The following CPVL variants were observed in gnomAD, a reference collection of about 807,000 sequenced individuals.
CPVL encodes probable serine carboxypeptidase CPVL.
A neutral mutation model predicts 63.7 loss-of-function variants in CPVL; 51 were observed. The ratio of observed to expected loss-of-function variants is 0.80; its 90% CI spans 0.64 to 1.01. CPVL has a LOEUF of 1.01. Among genes scored for constraint, CPVL ranks in the 50% least tolerant of loss-of-function variants. The pLI is 0.00. For missense variants in CPVL, 530 were observed against 573.1 expected (o/e 0.92, Z 0.77); for synonymous variants, 195 against 206.0 (o/e 0.95, Z 0.46).
chr7:29,126,776 T>G (rs1790070525), intron 1 of CPVL: 1 of 152,264 alleles, frequency 6.6e-6, no homozygotes, highest in South Asian at 2.1e-4. Flanking sequence ...CATTGGCTCA[T>G]GCCTGTAATC....
intron 6 of CPVL, among the ~76,000 whole-genome samples, chr7:29,088,430 C>G (rs1382945818): frequency 1.3e-5 from 2 of 151,266 alleles, no homozygotes; most frequent in Admixed American, 1.3e-4. Context: ...GTTTCAATTT[C>G]AGTTTTTATT....
intron 1 of CPVL, chr7:29,192,394 G>T (rs988084781): frequency 2.0e-5 from 3 of 152,168 alleles, no homozygotes; most frequent in Non-Finnish European, 4.4e-5. Context: ...ATGAGTATCC[G>T]AACTGCAGAA....
intron 12 of CPVL, among the ~76,000 whole-genome samples, chr7:29,005,902 T>C (rs1471534509): frequency 6.6e-6 from 1 of 152,172 alleles, no homozygotes; most frequent in Admixed American, 6.5e-5. Context: ...ATGATCTACA[T>C]TTGTAGTTTT....
rs1788374565 is a variant in CPVL, at chr7:29,112,723, A to G, written c.269T>C (p.Phe90Ser). The change falls in exon 3 of 13, where the codon TTC becomes TCC. Residue 90 changes from phenylalanine (F) to serine (S), a missense_variant. Coordinates refer to ENST00000265394, the MANE Select transcript of CPVL (RefSeq NM_031311.5). ...VNKTYNSNLF[F>S]WFFPAQIQPE... The stretch of plus-strand genomic sequence containing the variant: ...ACCTACCTGAGCTGGGAAGAACCAG[A>G]AGAAGAGGTTGCTGTTGTAAGTCTT... 1 of 1,612,562 alleles carries G rather than the reference A, an allele frequency of 6.2e-7. No individual in the cohort carries two copies. The highest frequency in any genetic ancestry group is 8.5e-7 in the Non-Finnish European group (1 of 1,179,042).
At chr7:29,107,653 G>C (rs978196568) in intron 3 of CPVL, among the ~76,000 whole-genome samples, 1 of 152,196 alleles carries the variant, frequency 6.6e-6, no homozygotes, top group African/African-American at 2.4e-5. Flanking sequence ...TGATCCCTGG[G>C]CCCTCTCCAG....
At chr7:29,122,419 G>A (rs1315656339) in intron 1 of CPVL, 1 of 152,244 alleles carries the variant, frequency 6.6e-6, no homozygotes, top group Non-Finnish European at 1.5e-5. Flanking sequence ...ACATCACCTG[G>A]GGGATGGTGC....
At chr7:29,065,769 T>C (rs557560443) in intron 10 of CPVL, among the ~76,000 whole-genome samples, 2 of 152,258 alleles carry the variant, frequency 1.3e-5, no homozygotes, top group South Asian at 4.2e-4. Flanking sequence ...TAACAAGCTC[T>C]ACTTGGGGGA....
intron 12 of CPVL, among the ~76,000 whole-genome samples, chr7:29,025,650 C>T (rs1466360191): frequency 2.6e-5 from 4 of 152,238 alleles, no homozygotes; most frequent in African/African-American, 9.6e-5. Context: ...AAGGAATAAA[C>T]AATTATATTC....
At chr7:29,151,748 C>T (rs367566900) in intron 5 of CPVL, among the ~76,000 whole-genome samples, 15 of 152,130 alleles carry the variant, frequency 9.9e-5, no homozygotes, top group African/African-American at 2.2e-4. Flanking sequence ...AGCTGTGTGA[C>T]CTTTGCTGTG....
rs573935801 is a variant in CPVL at position 29,036,076 on chromosome 7, T to C, written c.1138-5317A>G. Reference sequence around the variant, plus strand: ...TTTCCATGAATTCTAAGACCTATCCTGTCTTCCAATCAATTCCATTCATGC... The same window carrying C: ...TTTCCATGAATTCTAAGACCTATCCCGTCTTCCAATCAATTCCATTCATGC... On this transcript the variant is annotated intron_variant, in intron 11 of 12. Coordinates refer to ENST00000265394, the MANE Select transcript of CPVL (RefSeq NM_031311.5). 5.3e-5 allele frequency among the ~76,000 whole-genome samples: 8 copies of C among 152,348 alleles called. No individual in the cohort carries two copies. In the East Asian group the frequency reaches 1.4e-3, roughly 26 times the overall value.
At chr7:29,150,608 G>A (rs1351277525), upstream of CPVL, among the ~76,000 whole-genome samples, 8 of 152,164 alleles carry the variant, frequency 5.3e-5, no homozygotes, top group Non-Finnish European at 1.0e-4. Context: ...TAAGTTTGTA[G>A]GTCTGATTTT....
chr7:29,178,901 A>G lies in CPVL; in HGVS notation c.-11+2389T>C, dbSNP rs538440768. Among the ~76,000 whole-genome samples the G allele has an allele frequency of 2.6e-5, 4 of 152,352 alleles. No homozygotes were observed. The East Asian group carries it at 7.7e-4, about 29-fold the overall frequency. ...AAGGTTAACTACTATGTAAAGAGTT[A>G]TTACAAACTAATAAAAAGAACACTA... On this transcript the variant is annotated intron_variant, in intron 5 of 16. Coordinates refer to the CPVL transcript ENST00000409850.
Position 28,995,798 on chromosome 7 carries a change from T to G in CPVL, c.1405A>C (p.Lys469Gln). ...TATCCAACATAAGGATCCCATCCTT[T>G]TCCATAAATGAATCGATTAATCATG... ...FDMINRFIYGKGWDPYVG is the reference protein window; with the variant it reads ...FDMINRFIYGQGWDPYVG Residue 469 changes from lysine (K) to glutamine (Q), a missense_variant, in exon 13 of 13, where the codon AAA (lysine) becomes CAA (glutamine). By Grantham distance (53) the Lys-to-Gln change is moderately conservative. Transcript: ENST00000265394. 2.5e-6 allele frequency: 4 copies of G among 1,605,902 alleles called. No homozygotes were observed. The highest frequency in any genetic ancestry group is 3.4e-6 in the Non-Finnish European group (4 of 1,176,726).
chr7:29,186,952 G>T (rs554105457), intron 1 of CPVL, among the ~76,000 whole-genome samples: 11 of 152,206 alleles, frequency 7.2e-5, no homozygotes, highest in Admixed American at 7.2e-4. Context: ...TATTATATAA[G>T]TTTTCTAGCC....
At chr7:29,082,903 C>T (rs150256948) in intron 7 of CPVL, among the ~76,000 whole-genome samples, 3 of 152,302 alleles carry the variant, frequency 2.0e-5, no homozygotes, top group African/African-American at 4.8e-5. Context: ...CAAGGCATTA[C>T]ACACGAAGTA....
chr7:29,169,258 T>C (rs1796299296), intron 5 of CPVL, among the ~76,000 whole-genome samples: 1 of 152,224 alleles, frequency 6.6e-6, no homozygotes, highest in African/African-American at 2.4e-5. Flanking sequence ...ATATTACCAT[T>C]GTAGAAGATT....
At chr7:29,112,601 T>A in intron 3 of CPVL, 103 bp downstream of exon 3, 1 of 710,970 alleles carries the variant, frequency 1.4e-6, no homozygotes, top group Admixed American at 2.3e-5. Context: ...AAAAAATCTA[T>A]GAGATTTTTT....
chr7:29,052,892 G>C (rs1433178104), intron 11 of CPVL, among the ~76,000 whole-genome samples: 2 of 152,106 alleles, frequency 1.3e-5, no homozygotes, highest in Admixed American at 6.5e-5. Context: ...CTGGGCGACA[G>C]AGCAAGTCTC....
At chr7:29,103,119 G>A (rs1787332931) in intron 3 of CPVL, among the ~76,000 whole-genome samples, 1 of 122,662 alleles carries the variant, frequency 8.2e-6, no homozygotes, top group Non-Finnish European at 1.6e-5. Flanking sequence ...GAGAAAGAGA[G>A]AATAGAGATA....
Sources: allele counts gnomAD v4.1 joint callset (sites outside exome capture counted in the v4.1 genomes callset), GRCh38; gene constraint gnomAD v4.1.1; transcripts MANE v1.5; gene names NCBI Gene and HGNC (gene_info 2026-07-23, HGNC 2026-07-21).